Variants in ZFHX3 observed in about 807,000 individuals in gnomAD.
ZFHX3 encodes zinc finger homeobox 3.
In ZFHX3, 42 loss-of-function variants were observed where a neutral mutation model predicts 279.1. The observed-to-expected ratio is 0.15, with a 90% confidence interval of 0.12 to 0.19. The LOEUF (loss-of-function observed/expected upper bound fraction) is 0.19. ZFHX3 is among the 10% of genes least tolerant of loss of function. The probability of loss-of-function intolerance (pLI) is 1.00; values close to 1 mark genes in which losing one functional copy is unlikely to be tolerated. For missense variants in ZFHX3, 4,981 were observed against 4,754.0 expected (o/e 1.05, Z -1.40); for synonymous variants, 2,293 against 1,957.8 (o/e 1.17, Z -4.52).
intron 3 of ZFHX3, among the ~76,000 whole-genome samples, chr16:72,931,566 T>TAAA (rs35230717): frequency 7.6e-6 from 1 of 131,144 alleles, no homozygotes; most frequent in Admixed American, 7.8e-5. Flanking sequence ...ATGCACCATT[T>TAAA]AAAAAAAAAA....
chr16:73,558,932 T>C (rs1014150278), intron 2 of ZFHX3, among the ~76,000 whole-genome samples: 5 of 151,482 alleles, frequency 3.3e-5, no homozygotes, highest in African/African-American at 9.7e-5. Context: ...CCAGGCTGGT[T>C]TTGAACTCCT....
At chr16:73,639,994 A>C (rs2052560039) in intron 2 of ZFHX3, among the ~76,000 whole-genome samples, 1 of 152,172 alleles carries the variant, frequency 6.6e-6, no homozygotes, top group Non-Finnish European at 1.5e-5. Context: ...GATTGGCCAA[A>C]AGTTCGTGGA....
intron 1 of ZFHX3, among the ~76,000 whole-genome samples, chr16:73,863,328 G>C (rs962685028): frequency 1.2e-4 from 19 of 152,296 alleles, no homozygotes; most frequent in Middle Eastern, 3.4e-3. Flanking sequence ...CATGAACAAT[G>C]GCCCCAGAAG....
intron 2 of ZFHX3, among the ~76,000 whole-genome samples, chr16:73,508,726 T>C (rs1460917770): frequency 6.6e-6 from 1 of 152,156 alleles, no homozygotes; most frequent in African/African-American, 2.4e-5. Context: ...GCAGATGCAG[T>C]GGTATATATT....
At chr16:73,587,324 C>G (rs1007159558) in intron 2 of ZFHX3, among the ~76,000 whole-genome samples, 5 of 152,142 alleles carry the variant, frequency 3.3e-5, no homozygotes, top group Admixed American at 2.6e-4. Flanking sequence ...TAGAGGTATA[C>G]ATATTACTTT....
intron 3 of ZFHX3, among the ~76,000 whole-genome samples, chr16:73,429,675 A>G (rs1333496404): frequency 6.6e-6 from 1 of 152,098 alleles, no homozygotes; most frequent in Non-Finnish European, 1.5e-5. Flanking sequence ...AAAATGTAAA[A>G]TTGCCAGATT....
intron 4 of ZFHX3, among the ~76,000 whole-genome samples, chr16:73,278,353 G>C (rs571779068): frequency 3.3e-5 from 5 of 152,286 alleles, no homozygotes; most frequent in Admixed American, 1.3e-4. Context: ...AAAGTGTAAC[G>C]ATGGAGGAAG....
intron 1 of ZFHX3, among the ~76,000 whole-genome samples, chr16:73,012,862 C>T (rs537751787): frequency 3.3e-5 from 5 of 152,222 alleles, no homozygotes; most frequent in African/African-American, 9.6e-5. Flanking sequence ...ATGGTGATTC[C>T]ATATGGTTCA....
At chr16:72,830,858 A>T (rs575593729) in intron 4 of ZFHX3, among the ~76,000 whole-genome samples, 59 of 152,312 alleles carry the variant, frequency 3.9e-4, no homozygotes, top group African/African-American at 1.4e-3. Context: ...TAAAGATGAA[A>T]TTATTAGGAG....
At chr16:73,057,188 C>T (rs2144736224) in intron 1 of ZFHX3, among the ~76,000 whole-genome samples, 1 of 152,298 alleles carries the variant, frequency 6.6e-6, no homozygotes, top group East Asian at 1.9e-4. Context: ...AAAGTTAAGA[C>T]TGGGTGCCTT....
intron 2 of ZFHX3, among the ~76,000 whole-genome samples, chr16:73,491,970 T>C (rs2019063438): frequency 6.6e-6 from 1 of 152,160 alleles, no homozygotes; most frequent in Non-Finnish European, 1.5e-5. Context: ...GCCCATTGAG[T>C]GCTTTTCAAC....
chr16:73,030,077 G>A (rs1435209905), intron 1 of ZFHX3, among the ~76,000 whole-genome samples: 1 of 152,114 alleles, frequency 6.6e-6, no homozygotes, highest in Non-Finnish European at 1.5e-5. Context: ...TCCTCCCAGG[G>A]CAAAGGAAAG....
chr16:73,650,048 C>T (rs1432533741), intron 2 of ZFHX3, among the ~76,000 whole-genome samples: 1 of 152,036 alleles, frequency 6.6e-6, no homozygotes, highest in Non-Finnish European at 1.5e-5. Flanking sequence ...TAATGGTAAC[C>T]ATGTCTTGTG....
chr16:72,872,582 G>A lies in ZFHX3; in HGVS notation c.3448+17149C>T, dbSNP rs529774449. On this transcript the variant is annotated intron_variant, in intron 4 of 9. Coordinates refer to ENST00000268489, the MANE Select transcript of ZFHX3 (RefSeq NM_006885.4). ...AAGCAATTCTCATGCCTCAGCCTCC[G>A]GAGTACCTGAGACTACAGGCACGCG... Among the ~76,000 whole-genome samples the A allele has an allele frequency of 4.9e-4, 74 of 151,984 alleles. 1 individual carries two copies. The South Asian group carries it at 0.013, about 27-fold the overall frequency.
At chr16:73,224,192 T>C (rs558899262) in intron 5 of ZFHX3, among the ~76,000 whole-genome samples, 6 of 152,330 alleles carry the variant, frequency 3.9e-5, no homozygotes, top group East Asian at 1.9e-4. Context: ...GTGATACTGA[T>C]GTGTCAATGT....
intron 1 of ZFHX3, among the ~76,000 whole-genome samples, chr16:73,890,543 G>GT (rs2030500713): frequency 6.6e-6 from 1 of 152,100 alleles, no homozygotes; most frequent in Non-Finnish European, 1.5e-5. Context: ...GAAAGATTCG[G>GT]TTTTTTAATT....
Position 72,795,448 on chromosome 16 carries a change from C to T in ZFHX3, c.7234G>A (p.Glu2412Lys). Residue 2412 changes from glutamate (E) to lysine (K), a missense_variant, in exon 9 of 10, where the codon GAG becomes AAG. Around this residue, in one of 7 missense-constraint regions of ZFHX3, gnomAD observed 744 missense variants for 701.3 expected, o/e 1.06. Transcript: ENST00000268489. ...TTGAAGGTGGCCAGTTCCTCAGCCT[C>T]CGCTGTAAGCTGCAAGAAAGCGGAG... The part of the protein sequence containing the change: ...ASSAFLQLTA[E>K]AEELATFNSK... The T allele has an allele frequency of 8.1e-6, 13 of 1,614,188 alleles. No homozygotes were observed. The highest frequency in any genetic ancestry group is 1.1e-5 in the Non-Finnish European group (13 of 1,180,046).
intron 1 of ZFHX3, among the ~76,000 whole-genome samples, chr16:73,864,243 C>T (rs2142392992): frequency 6.6e-6 from 1 of 152,330 alleles, no homozygotes; most frequent in East Asian, 1.9e-4. Flanking sequence ...CTATAGCCTC[C>T]TCCAGAATGG....
chr16:73,134,331 C>CTT (rs58052486), intron 6 of ZFHX3, among the ~76,000 whole-genome samples: 818 of 50,300 alleles, frequency 0.016, 108 homozygotes, highest in East Asian at 0.088. Context: ...CTCCCCACCT[C>CTT]TTTTTTTTTT....
Sources: allele counts gnomAD v4.1 joint callset (sites outside exome capture counted in the v4.1 genomes callset), GRCh38; gene constraint gnomAD v4.1.1; regional missense constraint gnomAD v4.1.1; transcripts MANE v1.5; gene names NCBI Gene and HGNC (gene_info 2026-07-23, HGNC 2026-07-21).